CNTN4: variants seen among roughly 807,000 people sequenced by gnomAD.
CNTN4 encodes contactin 4, also known as contactin-4.
CNTN4 carries 77 observed loss-of-function variants against 122.5 expected under a neutral mutation model. The ratio of observed to expected loss-of-function variants is 0.63; its 90% CI spans 0.52 to 0.76. The LOEUF (loss-of-function observed/expected upper bound fraction) is 0.76. Among genes scored for constraint, CNTN4 ranks in the 30% least tolerant of loss-of-function variants. The probability of loss-of-function intolerance (pLI) is 0.00; values close to 1 mark genes in which losing one functional copy is unlikely to be tolerated. For synonymous variants in CNTN4, 512 were observed against 447.0 expected (o/e 1.15, Z -1.83); for missense variants, 1,256 against 1,259.1 (o/e 1.00, Z 0.04).
chr3:2,687,309 A>G (rs2085484549), intron 4 of CNTN4, among the ~76,000 whole-genome samples: 1 of 152,228 alleles, frequency 6.6e-6, no homozygotes, highest in African/African-American at 2.4e-5. Flanking sequence ...CTTGCTGCTC[A>G]GCAACTTCAC....
intron 6 of CNTN4, among the ~76,000 whole-genome samples, chr3:2,806,786 C>T (rs1015894399): frequency 1.3e-5 from 2 of 152,278 alleles, no homozygotes; most frequent in Middle Eastern, 3.4e-3. Flanking sequence ...CACTACTTCA[C>T]GTCCTTCTTG....
chr3:2,634,202 A>G (rs1404481941), intron 4 of CNTN4, among the ~76,000 whole-genome samples: 1 of 152,216 alleles, frequency 6.6e-6, no homozygotes, highest in East Asian at 1.9e-4. Context: ...ATATGTATAA[A>G]TATCTTAACA....
chr3:2,265,484 C>G (rs1317066201), intron 2 of CNTN4, among the ~76,000 whole-genome samples: 1 of 151,992 alleles, frequency 6.6e-6, no homozygotes, highest in Non-Finnish European at 1.5e-5. Flanking sequence ...AATTTGAAAT[C>G]ACATAGTATG....
intron 3 of CNTN4, among the ~76,000 whole-genome samples, chr3:2,384,577 A>G (rs766170863): frequency 5.9e-5 from 9 of 152,232 alleles, no homozygotes; most frequent in Non-Finnish European, 1.2e-4. Flanking sequence ...ATCTTAAGTC[A>G]TGGTGAATTG....
intron 14 of CNTN4, 100 bp from the exon 15 acceptor site, chr3:3,026,002 T>C: frequency 3.4e-6 from 4 of 1,172,584 alleles, no homozygotes; most frequent in Non-Finnish European, 5.0e-6. Context: ...TAAAGCAAAA[T>C]TACTTAGTAT....
At chr3:2,283,419 T>C (rs11923606) in intron 2 of CNTN4, among the ~76,000 whole-genome samples, 41,373 of 151,976 alleles carry the variant, frequency 0.27, 5,802 homozygotes, top group East Asian at 0.45. Context: ...CCCCAAAGTA[T>C]AGGCAAGTAG....
chr3:2,426,279 G>A (rs946205248), intron 3 of CNTN4, among the ~76,000 whole-genome samples: 2 of 152,096 alleles, frequency 1.3e-5, no homozygotes, highest in East Asian at 1.9e-4. Context: ...TAGCATGAAC[G>A]GCTGTTGAAT....
chr3:2,771,777 A>G (rs1576729433), intron 6 of CNTN4, among the ~76,000 whole-genome samples: 1 of 152,330 alleles, frequency 6.6e-6, no homozygotes, highest in Non-Finnish European at 1.5e-5. Flanking sequence ...TTATGTGGTA[A>G]ATGAAAAGAC....
At chr3:2,645,503 G>A (rs922180293) in intron 4 of CNTN4, among the ~76,000 whole-genome samples, 10 of 152,076 alleles carry the variant, frequency 6.6e-5, no homozygotes, top group South Asian at 2.1e-4. Flanking sequence ...TTTATATACT[G>A]AATAATCTCA....
At chr3:2,559,348 C>G (rs1234306951) in intron 3 of CNTN4, among the ~76,000 whole-genome samples, 1 of 152,098 alleles carries the variant, frequency 6.6e-6, no homozygotes, top group Non-Finnish European at 1.5e-5. Flanking sequence ...ACTATCAGCC[C>G]TGACACAATA....
intron 6 of CNTN4, among the ~76,000 whole-genome samples, chr3:2,785,719 C>T (rs1190738638): frequency 6.6e-6 from 1 of 152,112 alleles, no homozygotes; most frequent in African/African-American, 2.4e-5. Flanking sequence ...TGCTACCACC[C>T]CATGTGGCGG....
At chr3:2,169,579 T>TGTTTTTTA (rs2036363718) in intron 2 of CNTN4, among the ~76,000 whole-genome samples, 1 of 150,528 alleles carries the variant, frequency 6.6e-6, no homozygotes, top group African/African-American at 2.5e-5. Context: ...CTGATTTTTT[T>TGTTTTTTA]GTAGAGACGG....
intron 6 of CNTN4, among the ~76,000 whole-genome samples, chr3:2,802,217 C>G (rs1227295350): frequency 6.6e-6 from 1 of 152,194 alleles, no homozygotes; most frequent in Non-Finnish European, 1.5e-5. Context: ...CGATAACCCT[C>G]ACATCAATCC....
chr3:2,752,974 A>C (rs2090164696), intron 6 of CNTN4, among the ~76,000 whole-genome samples: 1 of 152,230 alleles, frequency 6.6e-6, no homozygotes, highest in South Asian at 2.1e-4. Flanking sequence ...TGGCTGAATA[A>C]TATTCCATTA....
intron 2 of CNTN4, among the ~76,000 whole-genome samples, chr3:2,217,877 T>G (rs2038912762): frequency 6.6e-6 from 1 of 152,194 alleles, no homozygotes; most frequent in Non-Finnish European, 1.5e-5. Flanking sequence ...AGTGCCTACC[T>G]AGATGCTAGG....
intron 14 of CNTN4, among the ~76,000 whole-genome samples, chr3:2,994,621 A>G (rs951490999): frequency 4.0e-4 from 58 of 144,916 alleles, no homozygotes; most frequent in African/African-American, 1.4e-3. Flanking sequence ...ATATGTGTGT[A>G]TATATATATT....
intron 3 of CNTN4, among the ~76,000 whole-genome samples, chr3:2,483,413 G>C (rs972381360): frequency 2.6e-5 from 4 of 152,146 alleles, no homozygotes; most frequent in African/African-American, 9.7e-5. Flanking sequence ...TGACATTTTG[G>C]ACTTGGATTT....
chr3:2,676,386 T>C (rs1035017281), intron 4 of CNTN4, among the ~76,000 whole-genome samples: 4 of 152,158 alleles, frequency 2.6e-5, no homozygotes, highest in African/African-American at 9.7e-5. Flanking sequence ...CAGGCCTGAC[T>C]AATTTTTGTA....
At chr3:2,461,025 A>G (rs184445990) in intron 3 of CNTN4, among the ~76,000 whole-genome samples, 77 of 151,774 alleles carry the variant, frequency 5.1e-4, no homozygotes, top group Non-Finnish European at 8.8e-4. Context: ...GATGAGTGGA[A>G]TTCATCTACA....
Sources: gnomAD v4.1 joint callset for allele counts (sites outside exome capture counted in the v4.1 genomes callset) on GRCh38, gnomAD v4.1.1 for gene constraint, MANE v1.5 for transcripts, NCBI Gene and HGNC (gene_info 2026-07-23, HGNC 2026-07-21) for gene names.